Variants in AP5Z1 observed in about 807,000 individuals in gnomAD.
AP5Z1 encodes adaptor related protein complex 5 subunit zeta 1, also known as AP-5 complex subunit zeta-1.
Under a neutral mutation model 83.0 loss-of-function variants are expected in AP5Z1, and 106 were observed. The observed-to-expected ratio is 1.28, with a 90% CI of 1.09 to 1.50. The LOEUF is 1.50. Among genes scored for constraint, AP5Z1 ranks in the 40% most tolerant of loss-of-function variants. The pLI is 0.00. For missense variants in AP5Z1, 1,565 were observed against 1,094.2 expected, an observed-to-expected ratio of 1.43 and a Z score of -6.07; for synonymous variants, 751 against 514.1, an observed-to-expected ratio of 1.46 and a Z score of -6.23.
intron 10 of AP5Z1, 91 bp downstream of exon 10, chr7:4,786,519 T>G: frequency 6.9e-7 from 1 of 1,458,910 alleles, no homozygotes; most frequent in Non-Finnish European, 9.4e-7. Context: ...GGGCGAGTCC[T>G]GGCTGAGCAT....
intron 3 of AP5Z1, 98 bp downstream of exon 3, chr7:4,781,852 C>T: frequency 7.3e-7 from 1 of 1,363,944 alleles, no homozygotes; most frequent in South Asian, 1.6e-5. Context: ...CAGGTGGCTG[C>T]TTGTTGTAGA....
rs768595771 is a variant in AP5Z1, at chr7:4,784,985, C to T, written c.868C>T (p.Arg290Trp). The T allele has an allele frequency of 4.2e-5, 67 of 1,612,016 alleles. No homozygotes were observed. Among genetic ancestry groups the T allele is most frequent in the Non-Finnish European group, 4.9e-5 (58 of 1,179,492 alleles). ...TSSAGRLLPP[R>W]ERLREVAFEY... ...CTCTGCCGGCCGCCTGCTGCCGCCC[C>T]GGGAGCGGCTTCGGGAGGTGGCCTT... The change falls in exon 7 of 17, where the codon CGG becomes TGG. Residue 290 changes from arginine to tryptophan, a missense_variant. Transcript: ENST00000649063.
At position 4,781,165 on chromosome 7, in the gene AP5Z1, C is replaced by G. The variant is rs926983354; in HGVS notation, c.42-10C>G. On this transcript the variant is annotated splice_polypyrimidine_tract_variant and intron_variant, in intron 1 of 16. Transcript: ENST00000649063. ...TGCTTCTGGGTCCTGAAGTCCTCTT[C>G]TTTGTTTAGGGAGATCCAGGACGAG... The G allele has an allele frequency of 6.2e-7, 1 of 1,613,096 alleles. No homozygotes were observed. Among genetic ancestry groups the G allele is most frequent in the African/African-American group, 1.3e-5 (1 of 75,028 alleles).
intron 10 of AP5Z1, 75 bp from the exon 11 acceptor site, chr7:4,787,559 C>G: frequency 6.6e-7 from 1 of 1,506,950 alleles, no homozygotes; most frequent in Admixed American, 2.0e-5. Context: ...AGCTGTGGGG[C>G]CCTAGCTGGC....
chr7:4,781,700 C>G lies in AP5Z1; in HGVS notation c.312C>G (p.Asp104Glu), dbSNP rs770067939. 3.8e-6 allele frequency: 6 copies of G among 1,589,088 alleles called. No homozygotes were observed. The highest frequency in any genetic ancestry group is 5.2e-6 in the Non-Finnish European group (6 of 1,160,274). Residue 104 changes from aspartate to glutamate, a missense_variant, in exon 3 of 17, where the codon GAC (aspartate) becomes GAG (glutamate). Physicochemically the swap from Asp to Glu is conservative, Grantham distance 45 (BLOSUM62 2). Transcript: ENST00000649063. The stretch of plus-strand genomic sequence containing the variant: ...CTGACAGCCTCAGCCTGGCCTGGGA[C>G]CACACGCAGAACAGCCGGCAGCTGA... ...SPSDSLSLAWDHTQNSRQLSL... is the reference protein window; with the variant it reads ...SPSDSLSLAWEHTQNSRQLSL...
At chr7:4,787,565 C>A in intron 10 of AP5Z1, 69 bp from the exon 11 acceptor site, 1 of 1,511,604 alleles carries the variant, frequency 6.6e-7, no homozygotes, top group South Asian at 1.2e-5. Context: ...GGGGCCCTAG[C>A]TGGCTCCTCC....
chr7:4,783,269 C>G (rs761814685), intron 3 of AP5Z1, 47 bp from the exon 4 acceptor site: 2 of 1,524,400 alleles, frequency 1.3e-6, no homozygotes, highest in African/African-American at 1.4e-5. Flanking sequence ...GGGAGCTGGT[C>G]TCTGGCACAG....
intron 14 of AP5Z1, 145 bp from the exon 15 acceptor site, chr7:4,790,314 T>A (rs772738385): frequency 3.9e-6 from 6 of 1,549,440 alleles, no homozygotes; most frequent in Admixed American, 1.9e-5. Context: ...TCTCTGAGGC[T>A]GGCAGTCTTC....
intron 14 of AP5Z1, 185 bp from the exon 15 acceptor site, chr7:4,790,274 G>T: frequency 6.5e-7 from 1 of 1,544,040 alleles, no homozygotes; most frequent in Non-Finnish European, 8.7e-7. Flanking sequence ...GCCAGCGCTG[G>T]TGCCAGCCTT....
At chr7:4,784,755 C>A (rs1342632830) in intron 6 of AP5Z1, among the ~76,000 whole-genome samples, 153 bp from the exon 7 acceptor site, 1 of 152,196 alleles carries the variant, frequency 6.6e-6, no homozygotes, top group African/African-American at 2.4e-5. Context: ...GGGGAAGCTG[C>A]CGGGTGGGTG....
At chr7:4,779,524 A>T (rs1208737005) in intron 1 of AP5Z1, among the ~76,000 whole-genome samples, 1 of 150,932 alleles carries the variant, frequency 6.6e-6, no homozygotes, top group Non-Finnish European at 1.5e-5. Flanking sequence ...CCCAGGCTGG[A>T]GTGCAGTGGC....
At chr7:4,787,847 G>C in intron 11 of AP5Z1, 71 bp downstream of exon 11, 3 of 1,470,080 alleles carry the variant, frequency 2.0e-6, no homozygotes, top group Non-Finnish European at 2.7e-6. Context: ...CCCCCTCCTC[G>C]CTGCTCCTGA....
At chr7:4,788,024 C>T in intron 11 of AP5Z1, 130 bp from the exon 12 acceptor site, 1 of 1,380,502 alleles carries the variant, frequency 7.2e-7, no homozygotes, top group Non-Finnish European at 9.5e-7. Context: ...CTGGAGCCTC[C>T]CATGCCAAGC....
intron 1 of AP5Z1, among the ~76,000 whole-genome samples, chr7:4,776,684 G>C (rs1369961824): frequency 8.6e-5 from 13 of 152,000 alleles, no homozygotes; most frequent in African/African-American, 3.1e-4. Context: ...ACAGTGAGCT[G>C]AGATGGCGCC....
intron 11 of AP5Z1, 59 bp from the exon 12 acceptor site, chr7:4,788,092 CGGG>C: frequency 6.9e-7 from 1 of 1,459,158 alleles, no homozygotes; most frequent in Non-Finnish European, 9.1e-7. Context: ...GTCTCCCTGA[CGGG>C]GGTGCCCTTG....
Position 4,794,105 on chromosome 7 carries a change from T to C in AP5Z1, c.*2720T>C, listed in dbSNP as rs565298263. Reference sequence around the variant, plus strand: ...TTTGTGAATGCACCAATAGACACTCTGTATCTAGCTACTCTGGTGGGGACT... The same window carrying C: ...TTTGTGAATGCACCAATAGACACTCCGTATCTAGCTACTCTGGTGGGGACT... On this transcript the variant is annotated 3_prime_UTR_variant, in exon 17 of 17. Coordinates refer to ENST00000649063, the MANE Select transcript of AP5Z1 (RefSeq NM_014855.3). 1 of 152,512 alleles carries C rather than the reference T, an allele frequency of 6.6e-6. No homozygotes were observed. Among genetic ancestry groups the C allele is most frequent in the East Asian group, 1.9e-4 (1 of 5,192 alleles). The allele number at this position is 152,512 out of a possible 1,614,324, so 9.4% of individuals were successfully genotyped here.
intron 9 of AP5Z1, among the ~76,000 whole-genome samples, chr7:4,785,928 G>A (rs1184489035): frequency 6.6e-6 from 1 of 152,104 alleles, no homozygotes; most frequent in Non-Finnish European, 1.5e-5. Flanking sequence ...TTGATGGATT[G>A]CTGTGCCAGA....
intron 1 of AP5Z1, among the ~76,000 whole-genome samples, chr7:4,780,658 C>G (rs952419098): frequency 1.3e-5 from 2 of 152,028 alleles, no homozygotes; most frequent in Non-Finnish European, 2.9e-5. Context: ...CCCATCTACT[C>G]GGAAGACTGA....
rs558636596 is a variant in AP5Z1, at chr7:4,787,678, G to T, written c.1356G>T (p.Ala452=). 2 of 1,552,430 alleles carry T rather than the reference G, an allele frequency of 1.3e-6. No homozygotes were observed. The highest frequency in any genetic ancestry group is 8.7e-7 in the Non-Finnish European group (1 of 1,148,650). Reference sequence around the variant, plus strand: ...CACCCCTCACCTCCGAGTTTGTGGCGCTCCTCCCGGCCCTGGTGGACGCTG... The same window carrying T: ...CACCCCTCACCTCCGAGTTTGTGGCTCTCCTCCCGGCCCTGGTGGACGCTG... The part of the protein sequence containing the change: ...NSPPLTSEFV[A]LLPALVDAGT... Residue 452 remains alanine (A), a synonymous_variant, in exon 11 of 17, where the codon GCG becomes GCT. Transcript: ENST00000649063.
Sources: gnomAD v4.1 joint callset for allele counts (sites outside exome capture counted in the v4.1 genomes callset) on GRCh38, gnomAD v4.1.1 for gene constraint, MANE v1.5 for transcripts, NCBI Gene and HGNC (gene_info 2026-07-23, HGNC 2026-07-21) for gene names.